Variants in PCOLCE2 observed in about 807,000 individuals in gnomAD.
The protein encoded by PCOLCE2 is procollagen C-endopeptidase enhancer 2, also known as procollagen C-proteinase enhancer 2.
In PCOLCE2, 42 loss-of-function variants were observed where a neutral mutation model predicts 47.0. The ratio of observed to expected loss-of-function variants is 0.89; its 90% CI spans 0.70 to 1.16. PCOLCE2 has a LOEUF of 1.16. PCOLCE2 is among the 50% of genes most tolerant of loss of function. The pLI, the probability that PCOLCE2 is intolerant of heterozygous loss-of-function variation, is 0.00. For missense variants in PCOLCE2, 500 were observed against 526.1 expected (o/e 0.95, Z 0.49); for synonymous variants, 169 against 191.7 (o/e 0.88, Z 0.98).
At position 142,889,075 on chromosome 3, in the gene PCOLCE2, G is replaced by T; in HGVS notation, c.-179C>A. ...CCGCCGCGGGGCGGCCCAGGTAGCCGGGGGATACGCGGCCGGCAGGGCGGA... is the reference window on the plus strand; with the variant it reads ...CCGCCGCGGGGCGGCCCAGGTAGCCTGGGGATACGCGGCCGGCAGGGCGGA... On this transcript the variant is annotated 5_prime_UTR_variant, in exon 1 of 9. Coordinates refer to ENST00000295992, the MANE Select transcript of PCOLCE2 (RefSeq NM_013363.4). 2.6e-6 allele frequency: 1 copy of T among 383,582 alleles called. No individual in the cohort carries two copies. Among genetic ancestry groups the T allele is most frequent in the Non-Finnish European group, 4.6e-6 (1 of 216,766 alleles). The allele number at this position is 383,582 out of a possible 1,614,324, so 23.8% of individuals were successfully genotyped here. A position where few individuals can be genotyped will look rare whatever the true frequency, so the allele number is the denominator to read the frequency against.
At chr3:142,838,624 C>A in intron 5 of PCOLCE2, 146 bp downstream of exon 5, 1 of 658,694 alleles carries the variant, frequency 1.5e-6, no homozygotes, top group South Asian at 2.2e-5. Flanking sequence ...TTCTTTACAG[C>A]AGTGCGAGAA....
chr3:142,885,802 T>C (rs1460964735), intron 2 of PCOLCE2, among the ~76,000 whole-genome samples: 1 of 152,186 alleles, frequency 6.6e-6, no homozygotes, highest in Non-Finnish European at 1.5e-5. Flanking sequence ...GATCTTCCAG[T>C]GACTCCTACT....
At chr3:142,830,078 A>G (rs1206159523) in intron 5 of PCOLCE2, among the ~76,000 whole-genome samples, 3 of 152,162 alleles carry the variant, frequency 2.0e-5, no homozygotes, top group Non-Finnish European at 2.9e-5. Flanking sequence ...CAACAACCCT[A>G]TTTTTATCTC....
chr3:142,851,418 AG>A (rs1392224990), intron 2 of PCOLCE2, among the ~76,000 whole-genome samples: 2 of 152,142 alleles, frequency 1.3e-5, no homozygotes, highest in Non-Finnish European at 2.9e-5. Flanking sequence ...AGGTTTGCCA[AG>A]GGAGGATATG....
intron 6 of PCOLCE2, among the ~76,000 whole-genome samples, chr3:142,824,926 C>T (rs935622250): frequency 2.6e-5 from 4 of 152,140 alleles, no homozygotes; most frequent in Non-Finnish European, 5.9e-5. Flanking sequence ...CCGCGCCCAG[C>T]CTATTTATAT....
chr3:142,867,700 A>C (rs1388355207), intron 2 of PCOLCE2, among the ~76,000 whole-genome samples: 3 of 152,228 alleles, frequency 2.0e-5, no homozygotes, highest in Admixed American at 1.3e-4. Flanking sequence ...AGCTAAAACT[A>C]GAAAGACTGA....
intron 3 of PCOLCE2, among the ~76,000 whole-genome samples, chr3:142,847,960 G>A (rs991178048): frequency 1.3e-5 from 2 of 152,220 alleles, no homozygotes; most frequent in Non-Finnish European, 2.9e-5. Flanking sequence ...GTGAAGGGGT[G>A]TGTTTGCATA....
chr3:142,857,898 T>A (rs1370706102), intron 2 of PCOLCE2, among the ~76,000 whole-genome samples: 1 of 152,212 alleles, frequency 6.6e-6, no homozygotes, highest in South Asian at 2.1e-4. Context: ...TCTGGCCTCA[T>A]CTACCCCCCA....
intron 2 of PCOLCE2, among the ~76,000 whole-genome samples, chr3:142,870,328 C>A (rs1300920486): frequency 6.6e-6 from 1 of 152,200 alleles, no homozygotes; most frequent in African/African-American, 2.4e-5. Context: ...AAAAAGTGGA[C>A]TGTTTAAATT....
intron 5 of PCOLCE2, among the ~76,000 whole-genome samples, chr3:142,831,214 A>C (rs1297592594): frequency 6.6e-6 from 1 of 152,272 alleles, no homozygotes; most frequent in East Asian, 1.9e-4. Flanking sequence ...CTCTGCCCTC[A>C]GGAATGGATT....
In PCOLCE2 at chr3:142,848,395, A is replaced by G. The variant is rs1253513505; in HGVS notation, c.270T>C (p.Phe90=). Residue 90 remains phenylalanine (F), a synonymous_variant, in exon 3 of 9, where the codon TTT becomes TTC. Coordinates refer to ENST00000295992, the MANE Select transcript of PCOLCE2 (RefSeq NM_013363.4). The part of the protein sequence containing the change: ...LESDNLCRYD[F]VDVYNGHANG... ...TGGCATGGCCATTGTACACATCCAC[A>G]AAGTCATAGCGGCACAGGTTGTCAC... 4 of 1,614,014 alleles carry G rather than the reference A, an allele frequency of 2.5e-6. No homozygotes were observed. The highest frequency in any genetic ancestry group is 1.3e-5 in the African/African-American group (1 of 74,944).
intron 2 of PCOLCE2, among the ~76,000 whole-genome samples, chr3:142,879,970 C>CAAAA (rs772887718): frequency 3.7e-5 from 2 of 53,504 alleles, no homozygotes; most frequent in Non-Finnish European, 4.9e-5. Context: ...GACTCCATCT[C>CAAAA]AAAAAAAAAA....
At chr3:142,879,279 T>C (rs1933558497) in intron 2 of PCOLCE2, among the ~76,000 whole-genome samples, 1 of 152,180 alleles carries the variant, frequency 6.6e-6, no homozygotes, top group Admixed American at 6.5e-5. Context: ...GAAGACTTCA[T>C]TTTCATGTTT....
At position 142,818,178 on chromosome 3, in the gene PCOLCE2, G is replaced by A. The variant is rs1416800031; in HGVS notation, c.*157C>T. 1 of 610,488 alleles carries A rather than the reference G, an allele frequency of 1.6e-6. No homozygotes were observed. Among genetic ancestry groups the A allele is most frequent in the Non-Finnish European group, 2.8e-6 (1 of 361,652 alleles). 37.8% of individuals were successfully genotyped at this position (610,488 alleles called of 1,614,324 possible). On this transcript the variant is annotated 3_prime_UTR_variant, in exon 9 of 9. Coordinates refer to ENST00000295992, the MANE Select transcript of PCOLCE2 (RefSeq NM_013363.4). Reference sequence around the variant, plus strand: ...AAGAACTTCCCTCAGCTATCTCGGAGGCCTCATACCTCCATCATGTGAAGA... The same window carrying A: ...AAGAACTTCCCTCAGCTATCTCGGAAGCCTCATACCTCCATCATGTGAAGA...
At chr3:142,886,920 A>C (rs1279836685) in intron 2 of PCOLCE2, among the ~76,000 whole-genome samples, 1 of 152,232 alleles carries the variant, frequency 6.6e-6, no homozygotes, top group Non-Finnish European at 1.5e-5. Context: ...TGACTGAAAG[A>C]AGCTCTCAGT....
intron 5 of PCOLCE2, among the ~76,000 whole-genome samples, chr3:142,832,022 C>T (rs964088312): frequency 4.6e-5 from 7 of 152,218 alleles, no homozygotes; most frequent in Admixed American, 4.6e-4. Flanking sequence ...ATCCACTCTG[C>T]ATTGGCAAAT....
At chr3:142,847,912 C>T (rs1286565330) in intron 3 of PCOLCE2, among the ~76,000 whole-genome samples, 3 of 152,204 alleles carry the variant, frequency 2.0e-5, no homozygotes, top group Non-Finnish European at 2.9e-5. Context: ...ATGGGAACCA[C>T]TGGCCATGGC....
intron 2 of PCOLCE2, among the ~76,000 whole-genome samples, chr3:142,882,162 G>A (rs186577093): frequency 4.6e-5 from 7 of 151,188 alleles, no homozygotes; most frequent in Non-Finnish European, 4.4e-5. Context: ...CCCAAGTAGC[G>A]AGGACTACAG....
chr3:142,820,202 AAGTGCTGGGATTAC>A (rs1292202209), intron 8 of PCOLCE2, among the ~76,000 whole-genome samples: 1 of 152,022 alleles, frequency 6.6e-6, no homozygotes, highest in Non-Finnish European at 1.5e-5. Context: ...CGGCCTCCCA[AAGTGCTGGGATTAC>A]AGGCATGAGC....
Sources: gnomAD v4.1 joint callset for allele counts (sites outside exome capture counted in the v4.1 genomes callset) on GRCh38, gnomAD v4.1.1 for gene constraint, MANE v1.5 for transcripts, NCBI Gene and HGNC (gene_info 2026-07-23, HGNC 2026-07-21) for gene names.